ADD2: variants seen among roughly 807,000 people sequenced by gnomAD.
ADD2 encodes the protein beta-adducin.
A neutral mutation model predicts 83.0 loss-of-function variants in ADD2; 23 were observed. The ratio of observed to expected loss-of-function variants is 0.28; its 90% CI spans 0.20 to 0.39. ADD2 has a LOEUF of 0.39. Ranked by LOEUF, ADD2 falls within the 10% of genes least tolerant of loss-of-function variation. The pLI is 1.00. For missense variants in ADD2, 758 were observed against 944.9 expected, an observed-to-expected ratio of 0.80 and a Z score of 2.59; for synonymous variants, 375 against 375.4, an observed-to-expected ratio of 1.00 and a Z score of 0.01.
chr2:70,738,892 A>G (rs1473059439), intron 1 of ADD2, among the ~76,000 whole-genome samples: 1 of 152,334 alleles, frequency 6.6e-6, no homozygotes, highest in East Asian at 1.9e-4. Flanking sequence ...TCAACTCAAG[A>G]TGCATTAAAG....
chr2:70,696,547 A>G (rs1671324446), intron 4 of ADD2, 151 bp from the exon 5 acceptor site: 2 of 1,026,584 alleles, frequency 1.9e-6, no homozygotes, highest in East Asian at 2.6e-5. Flanking sequence ...TACCTGGGGC[A>G]GGAGTCCACA....
intron 8 of ADD2, among the ~76,000 whole-genome samples, chr2:70,690,034 G>T (rs1374665923): frequency 6.6e-6 from 1 of 151,738 alleles, no homozygotes; most frequent in Non-Finnish European, 1.5e-5. Context: ...TTCACACAAA[G>T]ATTTAGCTGA....
intron 2 of ADD2, among the ~76,000 whole-genome samples, chr2:70,709,244 C>A (rs188760062): frequency 6.7e-6 from 1 of 149,648 alleles, no homozygotes; most frequent in Non-Finnish European, 1.5e-5. Context: ...CACTTACCAG[C>A]GGTGTTGACA....
At chr2:70,741,692 A>G (rs1487300667) in intron 1 of ADD2, among the ~76,000 whole-genome samples, 1 of 152,108 alleles carries the variant, frequency 6.6e-6, no homozygotes, top group African/African-American at 2.4e-5. Flanking sequence ...GATGATGACA[A>G]CTCCATCAGC....
At chr2:70,752,119 G>A (rs2104532549) in intron 1 of ADD2, among the ~76,000 whole-genome samples, 1 of 152,192 alleles carries the variant, frequency 6.6e-6, no homozygotes, top group African/African-American at 2.4e-5. Flanking sequence ...ATTTGCCAAT[G>A]GACATTTGCA....
In ADD2 at chr2:70,688,128, G is replaced by A. The variant is rs1553370862; in HGVS notation, c.850-6C>T. On this transcript the variant is annotated splice_polypyrimidine_tract_variant and splice_region_variant and intron_variant, in intron 8 of 15. Coordinates refer to ENST00000264436, the MANE Select transcript of ADD2 (RefSeq NM_001617.4). ...TGGTTTCTTAGCACCAGGATCTGTA[G>A]AGAAATAAATAGTCAATTAAAACCT... The A allele has an allele frequency of 1.9e-6, 3 of 1,612,014 alleles. No homozygotes were observed. The highest frequency in any genetic ancestry group is 1.3e-5 in the African/African-American group (1 of 74,878).
chr2:70,663,510 G>C lies in ADD2; in HGVS notation c.2096C>G (p.Ser699Cys). The stretch of plus-strand genomic sequence containing the variant: ...CTTTTTCTTCTTTGAGGGAGACTTG[G>C]AAGGTGAGCCCTCTGGGGACATGGG... ...SGPMSPEGSP[S>C]KSPSKKKKKF... is the part of the protein sequence containing the mutation. The change falls in exon 16 of 16, where the codon TCC becomes TGC. Residue 699 changes from serine (S) to cysteine (C), a missense_variant. By Grantham distance (112) the Ser-to-Cys change is moderately radical. This residue lies in a region of ADD2 where 165 missense variants were observed against 176.2 expected (regional missense o/e 0.94). Transcript: ENST00000264436. The C allele has an allele frequency of 6.2e-7, 1 of 1,614,136 alleles. No homozygotes were observed. Among genetic ancestry groups the C allele is most frequent in the Non-Finnish European group, 8.5e-7 (1 of 1,180,008 alleles).
chr2:70,674,562 A>C, intron 14 of ADD2, 116 bp downstream of exon 14: 1 of 1,151,900 alleles, frequency 8.7e-7, no homozygotes, highest in Non-Finnish European at 1.2e-6. Context: ...GATTAATGGA[A>C]CTACAGTAGA....
chr2:70,685,911 G>A (rs1445029753), intron 9 of ADD2, among the ~76,000 whole-genome samples: 13 of 152,202 alleles, frequency 8.5e-5, no homozygotes, highest in Non-Finnish European at 1.5e-4. Context: ...GCAGAGCAGG[G>A]AGCTGCCTCT....
At chr2:70,745,712 T>G (rs551893637) in intron 1 of ADD2, among the ~76,000 whole-genome samples, 1 of 152,316 alleles carries the variant, frequency 6.6e-6, no homozygotes, top group Non-Finnish European at 1.5e-5. Flanking sequence ...CAGATGCTTT[T>G]TATATAATGT....
In ADD2 at chr2:70,678,939, T is replaced by A. The variant is rs1553369023; in HGVS notation, c.1148A>T (p.Tyr383Phe). Residue 383 changes from tyrosine to phenylalanine, a missense_variant, in exon 11 of 16, where the codon TAT becomes TTT. Tyr to Phe is a conservative substitution (Grantham distance 22). Transcript: ENST00000264436. ...TTTCTCTTGAACAAAGGGGTGGCGA[T>A]ACGTGTAACCTGTTCTGTAGCCCTA... is the stretch of plus-strand genomic sequence containing the variant. ...DNLGYRTGYT[Y>F]RHPFVQEKTK... 6.2e-7 allele frequency: 1 copy of A among 1,613,558 alleles called. No individual in the cohort carries two copies. Among genetic ancestry groups the A allele is most frequent in the Middle Eastern group, 1.6e-4 (1 of 6,062 alleles).
In ADD2 at chr2:70,658,123, T is replaced by C. The variant is rs782070220; in HGVS notation, c.*5302A>G. ...AAGAACACTCCCAGCTGGAGATTCT[T>C]CCTAATTGTTCCTAAGATGAAAAGC... On this transcript the variant is annotated 3_prime_UTR_variant, in exon 16 of 16. Coordinates refer to ENST00000264436, the MANE Select transcript of ADD2 (RefSeq NM_001617.4). 2.0e-5 allele frequency: 3 copies of C among 152,138 alleles called. No individual in the cohort carries two copies. The highest frequency in any genetic ancestry group is 4.4e-5 in the Non-Finnish European group (3 of 68,036). The allele number at this position is 152,138 out of a possible 1,614,324, so 9.4% of individuals were successfully genotyped here. A position where few individuals can be genotyped will look rare whatever the true frequency, so the allele number is the denominator to read the frequency against.
chr2:70,757,605 T>TA (rs1214419546), intron 1 of ADD2, among the ~76,000 whole-genome samples: 2 of 152,018 alleles, frequency 1.3e-5, no homozygotes, highest in African/African-American at 2.4e-5. Context: ...GAATAAATTC[T>TA]AAAAAAAGGG....
intron 2 of ADD2, among the ~76,000 whole-genome samples, chr2:70,710,398 AGAAGCTCT>A (rs1412892154): frequency 1.1e-4 from 16 of 152,238 alleles, no homozygotes; most frequent in Non-Finnish European, 2.4e-4. Flanking sequence ...CAAAGAACCA[AGAAGCTCT>A]GGGCCTGATG....
intron 14 of ADD2, among the ~76,000 whole-genome samples, chr2:70,673,789 G>C (rs1334025452): frequency 2.0e-5 from 3 of 152,114 alleles, no homozygotes; most frequent in Admixed American, 1.3e-4. Context: ...TAGAGACGGG[G>C]TTTCACCATG....
rs111757466 is a variant in ADD2, at chr2:70,705,707, C to A, written c.183+519G>T. ...TCCCGACTTGCCTTCCCTTCCCACA[C>A]CCCATCCCACAGCCCGGCTGAGCCC... On this transcript the variant is annotated intron_variant, in intron 3 of 15. Transcript: ENST00000264436. 3.7e-3 allele frequency among the ~76,000 whole-genome samples: 557 copies of A among 152,334 alleles called. 4 individuals are homozygous for A. The highest frequency in any genetic ancestry group is 0.013 in the African/African-American group (529 of 41,558).
chr2:70,731,092 G>T (rs1256346354), intron 1 of ADD2, among the ~76,000 whole-genome samples: 1 of 152,188 alleles, frequency 6.6e-6, no homozygotes, highest in Non-Finnish European at 1.5e-5. Flanking sequence ...CTGACAGGTT[G>T]GAGAACCCAA....
intron 9 of ADD2, among the ~76,000 whole-genome samples, chr2:70,686,049 G>A (rs1473490859): frequency 6.6e-6 from 1 of 152,226 alleles, no homozygotes; most frequent in Non-Finnish European, 1.5e-5. Flanking sequence ...ACGTTCGCTT[G>A]TTTGCCAAGG....
At chr2:70,742,266 G>A (rs1673957429) in intron 1 of ADD2, among the ~76,000 whole-genome samples, 1 of 152,078 alleles carries the variant, frequency 6.6e-6, no homozygotes, top group Admixed American at 6.5e-5. Flanking sequence ...TTATTTTTTA[G>A]AGAGTAAAAC....
Sources: gnomAD v4.1 joint callset for allele counts (sites outside exome capture counted in the v4.1 genomes callset) on GRCh38, gnomAD v4.1.1 for gene constraint, gnomAD v4.1.1 regional missense constraint, MANE v1.5 for transcripts, NCBI Gene and HGNC (gene_info 2026-07-23, HGNC 2026-07-21) for gene names.